Variants in KIAA1671 observed in about 807,000 individuals in gnomAD.
KIAA1671 encodes the protein KIAA1671.
A neutral mutation model predicts 131.2 loss-of-function variants in KIAA1671; 52 were observed. The observed-to-expected ratio is 0.40, with a 90% confidence interval of 0.32 to 0.50. The LOEUF is 0.50. Ranked by LOEUF, KIAA1671 falls within the 20% of genes least tolerant of loss-of-function variation. The pLI is 0.73. For synonymous variants in KIAA1671, 1,003 were observed against 961.6 expected, an observed-to-expected ratio of 1.04 and a Z score of -0.80; for missense variants, 2,360 against 2,364.2, an observed-to-expected ratio of 1.00 and a Z score of 0.04.
At chr22:24,976,350 C>G (rs1238934611) in intron 1 of KIAA1671, among the ~76,000 whole-genome samples, 1 of 152,230 alleles carries the variant, frequency 6.6e-6, no homozygotes. Context: ...ATATTTTGCT[C>G]AAGGTCATTC....
At chr22:25,100,722 A>C (rs944446780) in intron 6 of KIAA1671, among the ~76,000 whole-genome samples, 1 of 152,204 alleles carries the variant, frequency 6.6e-6, no homozygotes, top group Non-Finnish European at 1.5e-5. Context: ...CTGTGAGTTG[A>C]GACTATGCTT....
chr22:25,047,070 G>A (rs1270320332), intron 5 of KIAA1671, among the ~76,000 whole-genome samples: 2 of 150,358 alleles, frequency 1.3e-5, no homozygotes, highest in Admixed American at 6.6e-5. Context: ...TCCTGGGCTC[G>A]AGCAGTCCTC....
intron 6 of KIAA1671, among the ~76,000 whole-genome samples, chr22:25,148,197 CCCA>C (rs1363724184): frequency 3.3e-5 from 5 of 151,764 alleles, no homozygotes; most frequent in African/African-American, 1.2e-4. Context: ...CTTTCTCAGT[CCCA>C]GCACCCCCCT....
chr22:25,074,543 A>G (rs960025264), intron 6 of KIAA1671, among the ~76,000 whole-genome samples: 1 of 149,498 alleles, frequency 6.7e-6, no homozygotes, highest in Non-Finnish European at 1.5e-5. Context: ...AGGCATATAT[A>G]TATGTATATG....
At chr22:25,017,609 G>A (rs1404563364) in intron 1 of KIAA1671, among the ~76,000 whole-genome samples, 1 of 152,200 alleles carries the variant, frequency 6.6e-6, no homozygotes, top group Non-Finnish European at 1.5e-5. Flanking sequence ...TTGTGAACTT[G>A]AAATGGTTGA....
chr22:25,139,245 C>T (rs999832002), intron 6 of KIAA1671, among the ~76,000 whole-genome samples: 2 of 152,204 alleles, frequency 1.3e-5, no homozygotes, highest in African/African-American at 4.8e-5. Flanking sequence ...CGAGGCCCCC[C>T]TGATGGGGCT....
intron 6 of KIAA1671, among the ~76,000 whole-genome samples, chr22:25,105,382 C>G (rs1244316039): frequency 6.6e-6 from 1 of 152,158 alleles, no homozygotes; most frequent in Non-Finnish European, 1.5e-5. Flanking sequence ...TGTGTCTCGC[C>G]TCACATTGTA....
chr22:24,987,411 T>A (rs972951146), intron 1 of KIAA1671, among the ~76,000 whole-genome samples: 5 of 152,064 alleles, frequency 3.3e-5, no homozygotes, highest in Admixed American at 2.0e-4. Context: ...GACCTCGTGA[T>A]CCACCCGCCT....
chr22:25,042,521 C>T (rs1303770419), intron 5 of KIAA1671, among the ~76,000 whole-genome samples: 6 of 125,236 alleles, frequency 4.8e-5, no homozygotes, highest in African/African-American at 1.9e-4. Flanking sequence ...GGCTGGAATA[C>T]AATGGTGTGA....
chr22:25,095,386 TCA>T (rs1185299898), intron 6 of KIAA1671, among the ~76,000 whole-genome samples: 20 of 152,384 alleles, frequency 1.3e-4, no homozygotes, highest in African/African-American at 4.8e-4. Flanking sequence ...GCACTGTGGC[TCA>T]CGCCTGTAAT....
intron 6 of KIAA1671, among the ~76,000 whole-genome samples, chr22:25,146,025 CAT>C (rs925498226): frequency 1.3e-5 from 2 of 152,058 alleles, no homozygotes; most frequent in Non-Finnish European, 2.9e-5. Context: ...TGAGTGTGCA[CAT>C]GTGTCTGTAT....
intron 11 of KIAA1671, among the ~76,000 whole-genome samples, chr22:25,189,204 A>G (rs1295583787): frequency 1.5e-5 from 2 of 134,718 alleles, no homozygotes; most frequent in Non-Finnish European, 3.0e-5. Context: ...CCCAGGCTGG[A>G]GTGCAGCAGA....
At chr22:24,988,604 C>G (rs1007670367) in intron 1 of KIAA1671, among the ~76,000 whole-genome samples, 2 of 151,694 alleles carry the variant, frequency 1.3e-5, no homozygotes, top group African/African-American at 4.8e-5. Flanking sequence ...GGCATGGTGG[C>G]TAGTGCCTGT....
chr22:25,167,403 T>C (rs1443473157), intron 6 of KIAA1671, among the ~76,000 whole-genome samples: 3 of 152,174 alleles, frequency 2.0e-5, no homozygotes, highest in African/African-American at 7.2e-5. Context: ...TTATTGATTA[T>C]AGTGGTGAAG....
intron 6 of KIAA1671, among the ~76,000 whole-genome samples, chr22:25,129,216 G>C (rs1932321467): frequency 6.6e-6 from 1 of 152,162 alleles, no homozygotes. Context: ...AGACTAGTTA[G>C]TGCTAAAAGC....
intron 6 of KIAA1671, among the ~76,000 whole-genome samples, chr22:25,150,836 C>CTTGTTTTTTTTT (rs1933010914): frequency 7.9e-6 from 1 of 125,924 alleles, no homozygotes; most frequent in Non-Finnish European, 1.7e-5. Flanking sequence ...GGGTCCTTTG[C>CTTGTTTTTTTTT]TTTTTTTTTT....
rs1320236500 is a variant in KIAA1671 at position 25,054,848 on chromosome 22, G to A, written c.4530+5484G>A. On this transcript the variant is annotated intron_variant, in intron 6 of 12. Coordinates refer to ENST00000358431, the MANE Select transcript of KIAA1671 (RefSeq NM_001145206.2). The stretch of plus-strand genomic sequence containing the variant: ...AGTCTTGAAGGCTGAGCAGGTGTTT[G>A]CCAGGTAACTATGGTCTGGGGAACA... 3 of 149,694 alleles carry A rather than the reference G, an allele frequency of 2.0e-5. 1 individual carries two copies. Among genetic ancestry groups the A allele is most frequent in the Admixed American group, 2.0e-4 (3 of 15,076 alleles). 9.3% of individuals were successfully genotyped at this position (149,694 alleles called of 1,614,324 possible). A position where few individuals can be genotyped will look rare whatever the true frequency, so the allele number is the denominator to read the frequency against.
intron 1 of KIAA1671, among the ~76,000 whole-genome samples, chr22:24,988,503 GACTGAGGTGGATGGATC>G (rs1452336711): frequency 6.6e-6 from 1 of 151,958 alleles, no homozygotes; most frequent in Non-Finnish European, 1.5e-5. Context: ...CACTTTGGGA[GACTGAGGTGGATGGATC>G]ACTTGAGGTC....
At chr22:24,989,772 C>T (rs1485541063) in intron 1 of KIAA1671, among the ~76,000 whole-genome samples, 1 of 152,098 alleles carries the variant, frequency 6.6e-6, no homozygotes, top group Non-Finnish European at 1.5e-5. Flanking sequence ...GCACTATTGT[C>T]TTAGCTGCAA....
Sources: allele counts gnomAD v4.1 joint callset (sites outside exome capture counted in the v4.1 genomes callset), GRCh38; gene constraint gnomAD v4.1.1; transcripts MANE v1.5; gene names NCBI Gene and HGNC (gene_info 2026-07-23, HGNC 2026-07-21).